HYDIN: variants seen among roughly 807,000 people sequenced by gnomAD.
HYDIN encodes the protein HYDIN axonemal central pair apparatus protein, also known as axonemal central pair apparatus protein HYDIN.
In HYDIN, 132 loss-of-function variants were observed where a neutral mutation model predicts 403.9. The observed-to-expected ratio is 0.33, with a 90% CI of 0.28 to 0.38. The LOEUF is 0.38. HYDIN is among the 10% of genes least tolerant of loss of function. The probability of loss-of-function intolerance (pLI) is 1.00; values close to 1 mark genes in which losing one functional copy is unlikely to be tolerated. For missense variants in HYDIN, 2,827 were observed against 5,009.5 expected (o/e 0.56, Z 13.15); for synonymous variants, 1,202 against 1,891.7 (o/e 0.64, Z 9.46).
intron 36 of HYDIN, among the ~76,000 whole-genome samples, chr16:70,967,311 CTTATT>C (rs1399110981): frequency 5.9e-5 from 9 of 151,782 alleles, no homozygotes; most frequent in South Asian, 2.1e-4. Flanking sequence ...TATTAATTTA[CTTATT>C]TTATTTTATT....
chr16:71,189,554 T>A (rs1403442644), intron 1 of HYDIN, among the ~76,000 whole-genome samples: 1 of 151,932 alleles, frequency 6.6e-6, no homozygotes, highest in African/African-American at 2.4e-5. Flanking sequence ...GATCACGCGG[T>A]CAGGAGATTG....
At chr16:70,984,439 A>G (rs1430553521) in intron 28 of HYDIN, among the ~76,000 whole-genome samples, 12 of 144,544 alleles carry the variant, frequency 8.3e-5, no homozygotes, top group African/African-American at 3.1e-4. Context: ...ACAAATTGGG[A>G]AAAAAAACCA....
intron 35 of HYDIN, 132 bp from the exon 36 acceptor site, chr16:70,970,891 G>T: frequency 1.3e-6 from 1 of 778,050 alleles, no homozygotes. Context: ...AATTGCATAA[G>T]AGTAATTTTT....
At chr16:70,901,340 T>C (rs1460769611) in intron 52 of HYDIN, 138 bp from the exon 53 acceptor site, 5 of 596,940 alleles carry the variant, frequency 8.4e-6, no homozygotes, top group Middle Eastern at 4.4e-4. Flanking sequence ...GGGGGTTTGC[T>C]GTACAGATTA....
chr16:70,841,422 A>C (rs1406316266), intron 75 of HYDIN, among the ~76,000 whole-genome samples: 1 of 152,124 alleles, frequency 6.6e-6, no homozygotes, highest in Non-Finnish European at 1.5e-5. Flanking sequence ...TTCTCAGAGA[A>C]GATGGCTGCA....
At chr16:71,204,501 G>A (rs2088190317) in intron 1 of HYDIN, among the ~76,000 whole-genome samples, 1 of 152,180 alleles carries the variant, frequency 6.6e-6, no homozygotes, top group African/African-American at 2.4e-5. Context: ...TTGATCACTG[G>A]CTCTTATACA....
rs745348010 is a variant in HYDIN, at chr16:70,882,824, T to C, written c.10051A>G (p.Ile3351Val). Residue 3351 changes from isoleucine (I) to valine (V), a missense_variant, in exon 60 of 86, where the codon ATC becomes GTC. Transcript: ENST00000393567. ...QICTSANLHHILQTIESGGLF... is the reference protein window; with the variant it reads ...QICTSANLHHVLQTIESGGLF... ...CCCCCGCTCTCTATGGTCTGCAGGATGTGGTGCAGGTTGGCACTGGTACAT... is the reference window on the plus strand; with the variant it reads ...CCCCCGCTCTCTATGGTCTGCAGGACGTGGTGCAGGTTGGCACTGGTACAT... 13 of 1,530,588 alleles carry C rather than the reference T, an allele frequency of 8.5e-6. No homozygotes were observed. Among genetic ancestry groups the C allele is most frequent in the Non-Finnish European group, 1.2e-5 (13 of 1,103,930 alleles). 94.8% of individuals were successfully genotyped at this position (1,530,588 alleles called of 1,614,324 possible).
At chr16:70,943,643 C>T (rs12149627) in intron 42 of HYDIN, among the ~76,000 whole-genome samples, 169 bp downstream of exon 42, 4 of 151,872 alleles carry the variant, frequency 2.6e-5, no homozygotes, top group East Asian at 1.9e-4. Flanking sequence ...GGCTGTAGAC[C>T]GGGCCAGGGT....
intron 28 of HYDIN, 139 bp from the exon 29 acceptor site, chr16:70,981,707 T>C: frequency 1.6e-6 from 2 of 1,279,846 alleles, no homozygotes; most frequent in South Asian, 2.4e-5. Flanking sequence ...TTTAATGAAA[T>C]GAGTGCAAAG....
At chr16:71,173,967 C>T (rs535603667) in intron 5 of HYDIN, among the ~76,000 whole-genome samples, 1 of 152,254 alleles carries the variant, frequency 6.6e-6, no homozygotes, top group East Asian at 1.9e-4. Flanking sequence ...CAGCTTCCTA[C>T]AAAAATGAGG....
intron 30 of HYDIN, among the ~76,000 whole-genome samples, chr16:70,976,817 A>G (rs1326883603): frequency 6.6e-6 from 1 of 152,262 alleles, no homozygotes; most frequent in African/African-American, 2.4e-5. Flanking sequence ...GAAAAGGTTG[A>G]GAAATACTAT....
intron 85 of HYDIN, 116 bp downstream of exon 85, chr16:70,809,667 C>G: frequency 1.2e-6 from 1 of 837,078 alleles, no homozygotes; most frequent in Non-Finnish European, 2.0e-6. Context: ...ACCATGACAA[C>G]GAAGCACCTG....
intron 38 of HYDIN, among the ~76,000 whole-genome samples, chr16:70,960,600 G>A (rs1597419409): frequency 6.6e-6 from 1 of 151,680 alleles, no homozygotes; most frequent in South Asian, 2.1e-4. Flanking sequence ...ACAAAACTAG[G>A]ATGACACTCT....
In HYDIN at chr16:70,943,924, C is replaced by T. The variant is rs191539779; in HGVS notation, c.6557G>A (p.Gly2186Glu). The change falls in exon 42 of 86, where the codon GGG becomes GAG. Residue 2186 changes from glycine (G) to glutamate (E), a missense_variant. Transcript: ENST00000393567. ...PQISSSPLPPGPIHRWLSVSP... is the reference protein window; with the variant it reads ...PQISSSPLPPEPIHRWLSVSP... ...AACACTGAGCCAGCGGTGGATGGGC[C>T]CCGGGGGGAGAGGGCTGGAGGAAAT... 1.2e-6 allele frequency: 2 copies of T among 1,612,184 alleles called. No individual in the cohort carries two copies. The highest frequency in any genetic ancestry group is 8.5e-7 in the Non-Finnish European group (1 of 1,179,404).
intron 35 of HYDIN, among the ~76,000 whole-genome samples, chr16:70,971,604 A>G (rs552985685): frequency 2.6e-5 from 4 of 152,274 alleles, no homozygotes; most frequent in Admixed American, 2.6e-4. Flanking sequence ...AGAGGAAATT[A>G]CGCAAATCAC....
intron 75 of HYDIN, among the ~76,000 whole-genome samples, chr16:70,844,802 A>G (rs967828357): frequency 4.7e-5 from 7 of 149,662 alleles, no homozygotes; most frequent in African/African-American, 1.5e-4. Context: ...TTCTCTTTGA[A>G]GCAATTGTGA....
intron 37 of HYDIN, 79 bp from the exon 38 acceptor site, chr16:70,962,217 A>C (rs555551242): frequency 1.2e-6 from 1 of 837,288 alleles, no homozygotes; most frequent in South Asian, 2.2e-5. Flanking sequence ...AAAAGGAAAA[A>C]AAAAGATGAA....
intron 41 of HYDIN, among the ~76,000 whole-genome samples, chr16:70,950,728 C>A (rs1205408550): frequency 1.3e-5 from 2 of 151,802 alleles, no homozygotes; most frequent in African/African-American, 2.4e-5. Flanking sequence ...GTCCCTATAG[C>A]ACTCTCAGGC....
intron 80 of HYDIN, among the ~76,000 whole-genome samples, chr16:70,830,859 T>C (rs911871664): frequency 6.6e-6 from 1 of 152,144 alleles, no homozygotes; most frequent in African/African-American, 2.4e-5. Flanking sequence ...GAGATGCCTA[T>C]TCGTCAAGAA....
Sources: allele counts gnomAD v4.1 joint callset (sites outside exome capture counted in the v4.1 genomes callset), GRCh38; gene constraint gnomAD v4.1.1; transcripts MANE v1.5; gene names NCBI Gene and HGNC (gene_info 2026-07-23, HGNC 2026-07-21).